The following PPFIA2 variants were observed in gnomAD, a reference collection of about 807,000 sequenced individuals.
PPFIA2 encodes PPFI scaffold protein A2.
In PPFIA2, 46 loss-of-function variants were observed where a neutral mutation model predicts 175.5. The observed-to-expected ratio is 0.26, with a 90% confidence interval of 0.21 to 0.34. PPFIA2 has a LOEUF of 0.34. Among genes scored for constraint, PPFIA2 ranks in the 10% least tolerant of loss-of-function variants. PPFIA2 has a pLI of 1.00. For synonymous variants in PPFIA2, 568 were observed against 511.4 expected (o/e 1.11, Z -1.49); for missense variants, 1,179 against 1,506.1 (o/e 0.78, Z 3.60).
chr12:81,439,619 T>C (rs777439652), intron 7 of PPFIA2, among the ~76,000 whole-genome samples: 3 of 152,174 alleles, frequency 2.0e-5, no homozygotes, highest in Non-Finnish European at 2.9e-5. Context: ...AGTTCACTTT[T>C]ATTTGTAGCA....
At chr12:81,332,673 C>A (rs1286486213) in intron 21 of PPFIA2, among the ~76,000 whole-genome samples, 1 of 152,056 alleles carries the variant, frequency 6.6e-6, no homozygotes, top group Non-Finnish European at 1.5e-5. Flanking sequence ...TTTTTAATTT[C>A]TTTATGTGCC....
chr12:81,407,205 C>T (rs1197415513), intron 7 of PPFIA2, among the ~76,000 whole-genome samples: 1 of 152,138 alleles, frequency 6.6e-6, no homozygotes, highest in Non-Finnish European at 1.5e-5. Context: ...TAATGTTTGG[C>T]CCAGCGCGGC....
intron 4 of PPFIA2, among the ~76,000 whole-genome samples, chr12:81,622,966 AG>A (rs2153483415): frequency 6.6e-6 from 1 of 152,262 alleles, no homozygotes; most frequent in Admixed American, 6.5e-5. Context: ...ACATACAGCA[AG>A]GTTTACCCAT....
At chr12:81,500,337 G>T (rs1237444301) in intron 4 of PPFIA2, among the ~76,000 whole-genome samples, 1 of 152,044 alleles carries the variant, frequency 6.6e-6, no homozygotes, top group East Asian at 1.9e-4. Context: ...CCCAACTTTA[G>T]CCTCCACATA....
chr12:81,359,338 A>G (rs1382551055), intron 15 of PPFIA2, among the ~76,000 whole-genome samples: 4 of 152,056 alleles, frequency 2.6e-5, no homozygotes, highest in Non-Finnish European at 5.9e-5. Context: ...GGGCATTAGA[A>G]CAAATGAACT....
chr12:81,269,902 T>C (rs1444438653), intron 28 of PPFIA2, among the ~76,000 whole-genome samples: 1 of 151,896 alleles, frequency 6.6e-6, no homozygotes, highest in Non-Finnish European at 1.5e-5. Context: ...TTATTAAGAA[T>C]AGTGTTCCTT....
At chr12:81,325,592 T>A (rs562192491) in intron 22 of PPFIA2, among the ~76,000 whole-genome samples, 185 bp downstream of exon 22, 1 of 152,304 alleles carries the variant, frequency 6.6e-6, no homozygotes, top group Non-Finnish European at 1.5e-5. Flanking sequence ...AATATTTTTA[T>A]ACTCTTTTAA....
intron 3 of PPFIA2, among the ~76,000 whole-genome samples, chr12:81,741,670 G>A (rs2082341667): frequency 6.7e-6 from 1 of 150,310 alleles, no homozygotes; most frequent in South Asian, 2.1e-4. Context: ...GCTATCATTA[G>A]TGTTATTGCA....
chr12:81,607,312 A>G (rs1343527131), intron 4 of PPFIA2, among the ~76,000 whole-genome samples: 1 of 152,104 alleles, frequency 6.6e-6, no homozygotes, highest in African/African-American at 2.4e-5. Context: ...TATGAATTTT[A>G]GAATAGTTTT....
At chr12:81,571,065 A>T (rs2072454016) in intron 4 of PPFIA2, among the ~76,000 whole-genome samples, 1 of 151,940 alleles carries the variant, frequency 6.6e-6, no homozygotes, top group Non-Finnish European at 1.5e-5. Context: ...CATACTGAGA[A>T]TTTTTTTCCC....
At chr12:81,580,154 T>C (rs1481548538) in intron 4 of PPFIA2, among the ~76,000 whole-genome samples, 1 of 151,882 alleles carries the variant, frequency 6.6e-6, no homozygotes, top group Non-Finnish European at 1.5e-5. Context: ...ATTAATAAAA[T>C]AGTACTGTAA....
At chr12:81,303,444 T>C (rs566796547) in intron 22 of PPFIA2, among the ~76,000 whole-genome samples, 1 of 152,166 alleles carries the variant, frequency 6.6e-6, no homozygotes, top group Admixed American at 6.5e-5. Context: ...GGAGGTGTTA[T>C]CACTTGGGTC....
chr12:81,540,486 A>G (rs936643664), intron 4 of PPFIA2, among the ~76,000 whole-genome samples: 1 of 152,064 alleles, frequency 6.6e-6, no homozygotes, highest in Non-Finnish European at 1.5e-5. Context: ...CAGCTGAAGA[A>G]CTAAGCAGAG....
chr12:81,588,390 C>T (rs2075583415), intron 4 of PPFIA2, among the ~76,000 whole-genome samples: 1 of 151,850 alleles, frequency 6.6e-6, no homozygotes, highest in African/African-American at 2.4e-5. Flanking sequence ...ATGTGTCCAG[C>T]CCCACCCTAC....
At chr12:81,324,713 T>C (rs1414520368) in intron 22 of PPFIA2, among the ~76,000 whole-genome samples, 1 of 151,934 alleles carries the variant, frequency 6.6e-6, no homozygotes, top group African/African-American at 2.4e-5. Flanking sequence ...AAAGAATAAA[T>C]ATATATTATT....
Position 81,721,309 on chromosome 12 carries a change from C to T in PPFIA2, c.249+32664G>A, listed in dbSNP as rs188247592. On this transcript the variant is annotated intron_variant, in intron 3 of 32. Coordinates refer to ENST00000549396, the MANE Select transcript of PPFIA2 (RefSeq NM_003625.5). ...CTCTCTAGGACTATATATTTTGCTT[C>T]GCATGTATTCTAAGCTTATTGCATT... Among the ~76,000 whole-genome samples the T allele has an allele frequency of 1.1e-3, 160 of 151,388 alleles. 1 individual carries two copies. Among genetic ancestry groups the T allele is most frequent in the Middle Eastern group, 0.01 (3 of 294 alleles).
intron 8 of PPFIA2, among the ~76,000 whole-genome samples, chr12:81,393,109 T>A (rs929165235): frequency 6.6e-6 from 1 of 152,024 alleles, no homozygotes; most frequent in Admixed American, 6.6e-5. Context: ...TCCTGTTACA[T>A]TGCAGTTAAG....
chr12:81,436,028 A>T (rs2048923543), intron 7 of PPFIA2, among the ~76,000 whole-genome samples: 1 of 151,884 alleles, frequency 6.6e-6, no homozygotes, highest in African/African-American at 2.4e-5. Context: ...CTGAAATCTC[A>T]GTGCTTTGGG....
intron 4 of PPFIA2, among the ~76,000 whole-genome samples, chr12:81,662,572 CA>C (rs919942413): frequency 1.3e-4 from 19 of 151,940 alleles, no homozygotes; most frequent in African/African-American, 4.6e-4. Context: ...GCTTACCAAC[CA>C]AAAAAAGTCC....
Sources: gnomAD v4.1 joint callset for allele counts (sites outside exome capture counted in the v4.1 genomes callset) on GRCh38, gnomAD v4.1.1 for gene constraint, MANE v1.5 for transcripts, NCBI Gene and HGNC (gene_info 2026-07-23, HGNC 2026-07-21) for gene names.